DHX9: variants seen among roughly 807,000 people sequenced by gnomAD.
The protein encoded by DHX9 is DExH-box helicase 9.
In DHX9, 27 loss-of-function variants were observed where a neutral mutation model predicts 148.7. That is an observed-to-expected ratio of 0.18 (90% CI 0.13 to 0.25). DHX9 has a LOEUF of 0.25. Among genes scored for constraint, DHX9 ranks in the 10% least tolerant of loss-of-function variants. The pLI, the probability that DHX9 is intolerant of heterozygous loss-of-function variation, is 1.00. For synonymous variants in DHX9, 529 were observed against 516.6 expected, an observed-to-expected ratio of 1.02 and a Z score of -0.33; for missense variants, 796 against 1,559.6, an observed-to-expected ratio of 0.51 and a Z score of 8.25.
At chr1:182,856,116 G>A (rs1156905145) in intron 6 of DHX9, among the ~76,000 whole-genome samples, 1 of 152,160 alleles carries the variant, frequency 6.6e-6, no homozygotes, top group Non-Finnish European at 1.5e-5. Context: ...TCATTAATGG[G>A]TGGCCTATGC....
chr1:182,886,855 T>A (rs1055795928), intron 27 of DHX9, among the ~76,000 whole-genome samples: 2 of 152,214 alleles, frequency 1.3e-5, no homozygotes, highest in African/African-American at 4.8e-5. Flanking sequence ...AATGACATAC[T>A]GCCAAAATTC....
At chr1:182,870,324 TA>T (rs759334964) in intron 14 of DHX9, among the ~76,000 whole-genome samples, 3 of 152,180 alleles carry the variant, frequency 2.0e-5, no homozygotes, top group Non-Finnish European at 4.4e-5. Context: ...TATAAATACT[TA>T]AAAAGATAGA....
intron 3 of DHX9, among the ~76,000 whole-genome samples, chr1:182,848,216 G>A (rs968584104): frequency 2.6e-5 from 4 of 152,242 alleles, no homozygotes; most frequent in South Asian, 2.1e-4. Context: ...ATTTTTCTCC[G>A]TAACACTTAC....
chr1:182,874,273 A>G (rs1418405324), intron 15 of DHX9, among the ~76,000 whole-genome samples: 4 of 152,186 alleles, frequency 2.6e-5, no homozygotes, highest in Non-Finnish European at 4.4e-5. Flanking sequence ...CAGGTGATCA[A>G]GTTTTAACAT....
chr1:182,876,969 C>T (rs1433570079), intron 19 of DHX9, 66 bp downstream of exon 19: 2 of 1,194,128 alleles, frequency 1.7e-6, no homozygotes, highest in African/African-American at 3.1e-5. Flanking sequence ...TACCAGTTAA[C>T]AGAATCAAAA....
intron 3 of DHX9, among the ~76,000 whole-genome samples, chr1:182,850,184 C>T (rs902157675): frequency 1.3e-5 from 2 of 151,992 alleles, no homozygotes; most frequent in South Asian, 4.1e-4. Context: ...ATACATAATA[C>T]TACTCCAAGC....
intron 12 of DHX9, among the ~76,000 whole-genome samples, chr1:182,864,191 A>G (rs1010564393): frequency 1.3e-5 from 2 of 152,094 alleles, no homozygotes. Context: ...GGGCTGAGCA[A>G]CCCGCCAGCC....
chr1:182,880,709 A>T (rs746132169), intron 22 of DHX9, 101 bp downstream of exon 22: 21 of 717,502 alleles, frequency 2.9e-5, no homozygotes, highest in Admixed American at 1.1e-4. Context: ...CAAAAAAAAA[A>T]TCCTAAATGT....
At chr1:182,873,652 A>G (rs965502036) in intron 15 of DHX9, among the ~76,000 whole-genome samples, 7 of 152,232 alleles carry the variant, frequency 4.6e-5, no homozygotes, top group Admixed American at 1.3e-4. Context: ...ATGGATAGGT[A>G]TAGAAATAAT....
In DHX9 at chr1:182,852,455, A is replaced by G. The variant is rs532996196; in HGVS notation, c.364+111A>G. On this transcript the variant is annotated intron_variant, in intron 4 of 27. Coordinates refer to ENST00000367549, the MANE Select transcript of DHX9 (RefSeq NM_001357.5). ...AGAACTGCAGTAAACTCTTGATGTT[A>G]AGAGACAACCCAAGGCCTTCATAAA... 8 of 683,972 alleles carry G rather than the reference A, an allele frequency of 1.2e-5. No homozygotes were observed. The African/African-American group carries it at 1.3e-4, about 11-fold the overall frequency. 42.4% of individuals were successfully genotyped at this position (683,972 alleles called of 1,614,324 possible).
At position 182,839,452 on chromosome 1, in the gene DHX9, G is replaced by A. The variant is rs1221479200; in HGVS notation, c.-27G>A. ...TAAGAGCTGGGCACCAGGAAGCGAA[G>A]GCTGGTAAGGGAGAGACGTTCCGGC... On this transcript the variant is annotated 5_prime_UTR_variant, in exon 1 of 28. Transcript: ENST00000367549. The A allele has an allele frequency of 3.3e-5, 5 of 153,150 alleles. No homozygotes were observed. In the East Asian group the frequency reaches 7.7e-4, roughly 24 times the overall value. 9.5% of individuals were successfully genotyped at this position (153,150 alleles called of 1,614,324 possible). A position where few individuals can be genotyped will look rare whatever the true frequency, so the allele number is the denominator to read the frequency against.
intron 16 of DHX9, 95 bp from the exon 17 acceptor site, chr1:182,875,955 C>T (rs1648745542): frequency 4.4e-6 from 4 of 911,806 alleles, no homozygotes; most frequent in Middle Eastern, 2.7e-4. Context: ...TAAATAATGA[C>T]ATTACAAGTA....
intron 15 of DHX9, among the ~76,000 whole-genome samples, chr1:182,873,149 T>G (rs1648617321): frequency 6.6e-6 from 1 of 152,050 alleles, no homozygotes; most frequent in Non-Finnish European, 1.5e-5. Context: ...AGAGACAAGG[T>G]CTCACCCTGT....
At chr1:182,839,884 GA>G (rs933213143) in intron 1 of DHX9, 2 of 152,204 alleles carry the variant, frequency 1.3e-5, no homozygotes, top group African/African-American at 2.4e-5. Context: ...GTGGGTAGAG[GA>G]AAAAAAATTG....
At chr1:182,864,694 T>G (rs183000629) in intron 12 of DHX9, among the ~76,000 whole-genome samples, 2 of 152,366 alleles carry the variant, frequency 1.3e-5, no homozygotes, top group Admixed American at 6.5e-5. Context: ...TTTATTTCTT[T>G]GCTGTTGAAA....
chr1:182,855,296 G>T (rs905144072), intron 6 of DHX9, among the ~76,000 whole-genome samples: 1 of 152,212 alleles, frequency 6.6e-6, no homozygotes, highest in African/African-American at 2.4e-5. Flanking sequence ...ACCGAAGTGT[G>T]CCTGAAGCTC....
At chr1:182,851,137 A>C (rs563654061) in intron 3 of DHX9, among the ~76,000 whole-genome samples, 2 of 152,304 alleles carry the variant, frequency 1.3e-5, no homozygotes, top group Admixed American at 6.5e-5. Flanking sequence ...CATAACCCCA[A>C]CCTTGGAGGA....
intron 3 of DHX9, among the ~76,000 whole-genome samples, chr1:182,846,237 C>CTTTT (rs546727701): frequency 2.9e-5 from 4 of 138,806 alleles, no homozygotes; most frequent in African/African-American, 1.1e-4. Context: ...ACCAGATGTA[C>CTTTT]TTTTTTTTTT....
At chr1:182,874,045 A>T (rs552434377) in intron 15 of DHX9, among the ~76,000 whole-genome samples, 9 of 152,350 alleles carry the variant, frequency 5.9e-5, no homozygotes, top group African/African-American at 1.9e-4. Context: ...GTCTATACTG[A>T]TATGTAAATA....
Sources: allele counts gnomAD v4.1 joint callset (sites outside exome capture counted in the v4.1 genomes callset), GRCh38; gene constraint gnomAD v4.1.1; transcripts MANE v1.5; gene names NCBI Gene and HGNC (gene_info 2026-07-23, HGNC 2026-07-21).